The following DPYSL2 variants were observed in gnomAD, a reference collection of about 807,000 sequenced individuals.
The protein encoded by DPYSL2 is dihydropyrimidinase like 2, also known as dihydropyrimidinase-related protein 2.
A neutral mutation model predicts 69.9 loss-of-function variants in DPYSL2; 13 were observed. That is an observed-to-expected ratio of 0.19 (90% confidence interval 0.12 to 0.30). DPYSL2 has a LOEUF of 0.30. Ranked by LOEUF, DPYSL2 falls within the 10% of genes least tolerant of loss-of-function variation. The pLI, the probability that DPYSL2 is intolerant of heterozygous loss-of-function variation, is 1.00. For synonymous variants in DPYSL2, 326 were observed against 359.1 expected (o/e 0.91, Z 1.04); for missense variants, 587 against 918.9 (o/e 0.64, Z 4.67).
chr8:26,627,140 G>T lies in DPYSL2; in HGVS notation c.856-75G>T. Reference sequence around the variant, plus strand: ...GTTTCTCATCCCAGAAATGCCTCTGGTGGGGAGATGATTGTCTTTGTGAAC... The same window carrying T: ...GTTTCTCATCCCAGAAATGCCTCTGTTGGGGAGATGATTGTCTTTGTGAAC... On this transcript the variant is annotated intron_variant, in intron 5 of 13. Transcript: ENST00000521913. This position sits in a 1 kb window ranked among gnomAD's most constrained non-coding sequence, Gnocchi z 6.9. 6 of 1,394,882 alleles carry T rather than the reference G, an allele frequency of 4.3e-6. No homozygotes were observed. 86.4% of individuals were successfully genotyped at this position (1,394,882 alleles called of 1,614,324 possible).
intron 1 of DPYSL2, chr8:26,578,179 A>C (rs540656518): frequency 1.2e-6 from 2 of 1,606,954 alleles, no homozygotes; most frequent in African/African-American, 2.7e-5. Flanking sequence ...ACAAAACAAA[A>C]AAAACCCAAG....
intron 1 of DPYSL2, among the ~76,000 whole-genome samples, chr8:26,525,487 A>G (rs1172398810): frequency 2.0e-5 from 3 of 152,188 alleles, no homozygotes; most frequent in Non-Finnish European, 4.4e-5. Flanking sequence ...CTCCCAAAGT[A>G]CTGGGATTAC....
chr8:26,547,769 G>T, intron 1 of DPYSL2: 1 of 311,202 alleles, frequency 3.2e-6, no homozygotes, highest in Non-Finnish European at 6.7e-6. Context: ...GAGGTCTTCA[G>T]GCAAAATCTT....
chr8:26,551,562 T>C (rs1432211913), intron 1 of DPYSL2, among the ~76,000 whole-genome samples: 1 of 152,116 alleles, frequency 6.6e-6, no homozygotes, highest in Non-Finnish European at 1.5e-5. Flanking sequence ...ATAACAGAAC[T>C]AACACCATCA....
In DPYSL2 at chr8:26,588,015, T is replaced by C. The variant is rs940077614; in HGVS notation, c.628+4032T>C. Among the ~76,000 whole-genome samples, 1 of 152,220 alleles carries C rather than the reference T, an allele frequency of 6.6e-6. No individual in the cohort carries two copies. Among genetic ancestry groups the C allele is most frequent in the African/African-American group, 2.4e-5 (1 of 41,472 alleles). Reference sequence around the variant, plus strand: ...TCACCGCTTGCCCTGGGGCCACCTTTGCTCTCAGCCTCAGTGGCCTCATCT... The same window carrying C: ...TCACCGCTTGCCCTGGGGCCACCTTCGCTCTCAGCCTCAGTGGCCTCATCT... On this transcript the variant is annotated intron_variant, in intron 3 of 13. Transcript: ENST00000521913. This position sits in a 1 kb window ranked among gnomAD's most constrained non-coding sequence, Gnocchi z 5.4.
At chr8:26,594,276 G>T (rs961365220) in intron 3 of DPYSL2, among the ~76,000 whole-genome samples, 2 of 152,104 alleles carry the variant, frequency 1.3e-5, no homozygotes, top group African/African-American at 4.8e-5. Flanking sequence ...TGGAACAAGT[G>T]TGAAAAGATC....
chr8:26,574,541 T>C (rs1801295712), intron 1 of DPYSL2, among the ~76,000 whole-genome samples: 1 of 152,160 alleles, frequency 6.6e-6, no homozygotes, highest in Non-Finnish European at 1.5e-5. Context: ...GGGAGAAAAG[T>C]ATGGGAAAGT....
chr8:26,526,623 T>C (rs1178878081), intron 1 of DPYSL2, among the ~76,000 whole-genome samples: 2 of 152,246 alleles, frequency 1.3e-5, no homozygotes, highest in African/African-American at 4.8e-5. Context: ...TTCTGACTGA[T>C]GAAAAGGCCT....
At chr8:26,552,325 A>G (rs1800884780) in intron 1 of DPYSL2, among the ~76,000 whole-genome samples, 1 of 152,234 alleles carries the variant, frequency 6.6e-6, no homozygotes, top group Admixed American at 6.5e-5. Flanking sequence ...CTTCCACTTT[A>G]GGAGACTAGA....
intron 1 of DPYSL2, chr8:26,576,964 A>T: frequency 3.4e-6 from 1 of 293,106 alleles, no homozygotes; most frequent in Non-Finnish European, 6.7e-6. Context: ...GTGACTGTAA[A>T]GCGGGCGCAC....
chr8:26,575,736 C>T (rs1311127081), intron 1 of DPYSL2, among the ~76,000 whole-genome samples: 1 of 152,210 alleles, frequency 6.6e-6, no homozygotes, highest in African/African-American at 2.4e-5. Context: ...TATTTAAACC[C>T]ATTACGCTCA....
At chr8:26,515,053 C>CT (rs1364355478) in intron 1 of DPYSL2, among the ~76,000 whole-genome samples, 1 of 152,188 alleles carries the variant, frequency 6.6e-6, no homozygotes, top group Non-Finnish European at 1.5e-5. Context: ...GTGCCCCACC[C>CT]TTTTTTTGAG....
rs1160988673 is a variant in DPYSL2, at chr8:26,571,509, A to G, written c.355-10460A>G. ...CCAGGGAACATCTGTAGCCACCCAG[A>G]GAATGAGGTGCAGGGTGGGCATTGC... On this transcript the variant is annotated intron_variant, in intron 1 of 13. Coordinates refer to ENST00000521913, the MANE Select transcript of DPYSL2 (RefSeq NM_001197293.3). This position sits in a 1 kb window ranked among gnomAD's most constrained non-coding sequence, Gnocchi z 6.1. 1.3e-5 allele frequency among the ~76,000 whole-genome samples: 2 copies of G among 152,166 alleles called. No individual in the cohort carries two copies. Among genetic ancestry groups the G allele is most frequent in the African/African-American group, 4.8e-5 (2 of 41,430 alleles).
intron 1 of DPYSL2, among the ~76,000 whole-genome samples, chr8:26,569,914 G>T (rs1042254056): frequency 6.6e-6 from 1 of 152,050 alleles, no homozygotes; most frequent in Non-Finnish European, 1.5e-5. Context: ...GGAATAGAAG[G>T]GTAAGATCAG....
At position 26,605,535 on chromosome 8, in the gene DPYSL2, C is replaced by T. The variant is rs1330986720; in HGVS notation, c.629-18608C>T. 1.3e-5 allele frequency among the ~76,000 whole-genome samples: 2 copies of T among 152,162 alleles called. No individual in the cohort carries two copies. The highest frequency in any genetic ancestry group is 2.9e-5 in the Non-Finnish European group (2 of 68,040). ...TGAAATCCTGACCTCAAGTGCCTGC[C>T]TCAGCCTCCCTAAGTGATTATTACT... On this transcript the variant is annotated intron_variant, in intron 3 of 13. Coordinates refer to ENST00000521913, the MANE Select transcript of DPYSL2 (RefSeq NM_001197293.3). The surrounding 1 kb of genome is among the most constrained non-coding windows in gnomAD (Gnocchi z 4.1).
Position 26,636,173 on chromosome 8 carries a change from G to A in DPYSL2, c.1126+1273G>A, listed in dbSNP as rs912152485. Among the ~76,000 whole-genome samples the A allele has an allele frequency of 4.7e-5, 7 of 148,718 alleles. No individual in the cohort carries two copies. In the East Asian group the frequency reaches 1.2e-3, roughly 25 times the overall value. ...GGAATTGCCTTTTAGAAATAAGAAAGCATTCACCTAAAATAATGTAACCTA... is the reference window on the plus strand; with the variant it reads ...GGAATTGCCTTTTAGAAATAAGAAAACATTCACCTAAAATAATGTAACCTA... On this transcript the variant is annotated intron_variant, in intron 8 of 13. Transcript: ENST00000521913.
intron 1 of DPYSL2, among the ~76,000 whole-genome samples, chr8:26,521,485 T>C (rs1204625911): frequency 6.6e-6 from 1 of 152,220 alleles, no homozygotes. Context: ...CTTTTTTTTT[T>C]TTTCTTATAA....
rs1378539089 is a variant in DPYSL2, at chr8:26,582,780, C to A, written c.443+723C>A. Among the ~76,000 whole-genome samples the A allele has an allele frequency of 6.6e-6, 1 of 152,194 alleles. No individual in the cohort carries two copies. The highest frequency in any genetic ancestry group is 1.5e-5 in the Non-Finnish European group (1 of 68,036). On this transcript the variant is annotated intron_variant, in intron 2 of 13. Transcript: ENST00000521913. This position sits in a 1 kb window ranked among gnomAD's most constrained non-coding sequence, Gnocchi z 4.1. ...CACATCTGTTTGAAGACAAACACTG[C>A]AGCCAGTGACAGCTTTTAAATAAGC...
Position 26,591,883 on chromosome 8 carries a change from C to T in DPYSL2, c.628+7900C>T, listed in dbSNP as rs1801735097. ...CACCTCCCCTGCAAAGCTTGCAATG[C>T]GATTGGTCCTGGTGTAGCCTCCGTG... is the stretch of plus-strand genomic sequence containing the variant. On this transcript the variant is annotated intron_variant, in intron 3 of 13. Transcript: ENST00000521913. This position sits in a 1 kb window ranked among gnomAD's most constrained non-coding sequence, Gnocchi z 5.8. 2.0e-5 allele frequency among the ~76,000 whole-genome samples: 3 copies of T among 152,134 alleles called. No homozygotes were observed. Among genetic ancestry groups the T allele is most frequent in the South Asian group, 4.1e-4 (2 of 4,828 alleles).
Sources: allele counts gnomAD v4.1 joint callset (sites outside exome capture counted in the v4.1 genomes callset), GRCh38; gene constraint gnomAD v4.1.1; non-coding constraint Gnocchi (gnomAD v3.1); transcripts MANE v1.5; gene names NCBI Gene and HGNC (gene_info 2026-07-23, HGNC 2026-07-21).